NAA60: variants seen among roughly 807,000 people sequenced by gnomAD.
The protein encoded by NAA60 is N-alpha-acetyltransferase 60.
A neutral mutation model predicts 26.1 loss-of-function variants in NAA60; 8 were observed. That is an observed-to-expected ratio of 0.31 (90% CI 0.18 to 0.55). NAA60 has a LOEUF of 0.55. Among genes scored for constraint, NAA60 ranks in the 20% least tolerant of loss-of-function variants. NAA60 has a pLI of 0.93. For synonymous variants in NAA60, 131 were observed against 122.5 expected, an observed-to-expected ratio of 1.07 and a Z score of -0.46; for missense variants, 290 against 311.3, an observed-to-expected ratio of 0.93 and a Z score of 0.51.
chr16:3,468,636 T>C (rs1295722961), intron 2 of NAA60, among the ~76,000 whole-genome samples: 8 of 152,176 alleles, frequency 5.3e-5, no homozygotes, highest in Non-Finnish European at 8.8e-5. Context: ...ACGGCTTTTG[T>C]TTGGGTCAAG....
In NAA60 at chr16:3,486,872, G is replaced by A. The variant is rs2736; in HGVS notation, c.*1612G>A. 0.91 allele frequency: 138,397 copies of A among 152,736 alleles called. 62,880 individuals are homozygous for A. Among genetic ancestry groups the A allele is most frequent in the African/African-American group, 0.97 (40,516 of 41,580 alleles). 9.5% of individuals were successfully genotyped at this position (152,736 alleles called of 1,614,324 possible). On this transcript the variant is annotated 3_prime_UTR_variant, in exon 8 of 8. Transcript: ENST00000407558. The stretch of plus-strand genomic sequence containing the variant: ...CCCACCCTGCCCCACACCTGCCCCT[G>A]ATCACTGCAGTGTCCAGCCCAGTGT...
chr16:3,444,011 A>C, intron 1 of NAA60, 174 bp downstream of exon 1: 2 of 1,280,052 alleles, frequency 1.6e-6, no homozygotes, highest in South Asian at 3.9e-5. Context: ...CACAACGTTC[A>C]CATCGGTGTA....
intron 2 of NAA60, among the ~76,000 whole-genome samples, chr16:3,449,772 G>T (rs369432055): frequency 6.6e-6 from 1 of 152,022 alleles, no homozygotes. Context: ...TTGAATCGTG[G>T]GGCAGGTCTT....
At chr16:3,472,033 G>A (rs1261826263) in intron 2 of NAA60, 1 of 152,188 alleles carries the variant, frequency 6.6e-6, no homozygotes, top group African/African-American at 2.4e-5. Context: ...AAGGGGGTGG[G>A]AGCCTGCCCT....
In NAA60 at chr16:3,473,191, G is replaced by A. The variant is rs571451520; in HGVS notation, c.-6-3031G>A. ...GCTGGGATGACAGGCACACCACCAC[G>A]CCTGGCTAATGTTTGTATTTTTAGT... On this transcript the variant is annotated intron_variant, in intron 2 of 7. Transcript: ENST00000407558. Among the ~76,000 whole-genome samples, 13 of 152,048 alleles carry A rather than the reference G, an allele frequency of 8.5e-5. 1 individual carries two copies. The South Asian group carries it at 2.3e-3, about 27-fold the overall frequency.
intron 3 of NAA60, among the ~76,000 whole-genome samples, chr16:3,476,680 T>C (rs1050829671): frequency 1.3e-5 from 2 of 152,146 alleles, no homozygotes; most frequent in African/African-American, 4.8e-5. Flanking sequence ...AATTAGAGTA[T>C]GTGCATATAA....
At chr16:3,465,159 C>T (rs1057421303) in intron 2 of NAA60, among the ~76,000 whole-genome samples, 5 of 150,276 alleles carry the variant, frequency 3.3e-5, no homozygotes, top group South Asian at 2.1e-4. Flanking sequence ...CCCAGCTACT[C>T]GGGAGGCTGA....
chr16:3,482,674 C>G, intron 5 of NAA60, 76 bp downstream of exon 5: 1 of 1,049,682 alleles, frequency 9.5e-7, no homozygotes. Context: ...CATCTGCACC[C>G]AGTCTCTTCC....
intron 4 of NAA60, among the ~76,000 whole-genome samples, chr16:3,481,421 T>C (rs1022336821): frequency 1.3e-5 from 2 of 152,078 alleles, no homozygotes; most frequent in South Asian, 2.1e-4. Flanking sequence ...GGTCCCCCCC[T>C]TCCCCCAATG....
chr16:3,466,299 G>T (rs2035757255), intron 2 of NAA60, among the ~76,000 whole-genome samples: 1 of 152,226 alleles, frequency 6.6e-6, no homozygotes, highest in Admixed American at 6.5e-5. Context: ...TCAGAGAGAG[G>T]CTGTTTGGAA....
At chr16:3,482,060 T>G (rs2036870439) in intron 4 of NAA60, among the ~76,000 whole-genome samples, 1 of 152,120 alleles carries the variant, frequency 6.6e-6, no homozygotes, top group Non-Finnish European at 1.5e-5. Flanking sequence ...CAAGATCACC[T>G]GGGGCAGCGT....
chr16:3,484,906 C>G lies in NAA60; in HGVS notation c.*51C>G, dbSNP rs958141898. On this transcript the variant is annotated 3_prime_UTR_variant, in exon 7 of 8. Coordinates refer to ENST00000407558, the MANE Select transcript of NAA60 (RefSeq NM_001083601.3). ...CCCCACCCTTCGGCCGCCCGCAGAG[C>G]CCGCCTTCCTGTCCATCTGACCCCT... 5 of 1,548,106 alleles carry G rather than the reference C, an allele frequency of 3.2e-6. No individual in the cohort carries two copies. The African/African-American group carries it at 6.8e-5, about 21-fold the overall frequency.
At position 3,476,264 on chromosome 16, in the gene NAA60, G is replaced by T; in HGVS notation, c.37G>T (p.Val13Phe). 1 of 1,613,920 alleles carries T rather than the reference G, an allele frequency of 6.2e-7. No homozygotes were observed. The highest frequency in any genetic ancestry group is 8.5e-7 in the Non-Finnish European group (1 of 1,179,828). ...GGTGCCATCCAGCGCGCTCAGCGAGGTCAGCCTGCGCCTCCTCTGCCACGA... is the reference window on the plus strand; with the variant it reads ...GGTGCCATCCAGCGCGCTCAGCGAGTTCAGCCTGCGCCTCCTCTGCCACGA... ...EVVPSSALSEVSLRLLCHDDI... is the reference protein window; with the variant it reads ...EVVPSSALSEFSLRLLCHDDI... The change falls in exon 3 of 8, where the codon GTC becomes TTC. Residue 13 changes from valine (V) to phenylalanine (F), a missense_variant. Physicochemically the swap from Val to Phe is conservative, Grantham distance 50. Transcript: ENST00000407558.
At chr16:3,450,110 C>T (rs2034717835) in intron 2 of NAA60, 1 of 390,708 alleles carries the variant, frequency 2.6e-6, no homozygotes, top group Admixed American at 4.5e-5. Context: ...ATATTTGGCT[C>T]CTGACTGAAA....
chr16:3,479,614 T>C lies in NAA60; in HGVS notation c.240+14T>C, dbSNP rs1416682532. ...ATACATAAAGAGGTACGTACGTGTG[T>C]GCAGTGAGGACTTGGCAGTCACTGT... On this transcript the variant is annotated intron_variant, in intron 4 of 7. Transcript: ENST00000407558. The C allele has an allele frequency of 1.1e-5, 17 of 1,613,228 alleles. No individual in the cohort carries two copies. The highest frequency in any genetic ancestry group is 5.1e-6 in the Non-Finnish European group (6 of 1,179,516).
Position 3,484,909 on chromosome 16 carries a change from G to C in NAA60, c.*54G>C. ...CACCCTTCGGCCGCCCGCAGAGCCC[G>C]CCTTCCTGTCCATCTGACCCCTTCT... On this transcript the variant is annotated 3_prime_UTR_variant, in exon 7 of 8. Coordinates refer to ENST00000407558, the MANE Select transcript of NAA60 (RefSeq NM_001083601.3). 1 of 1,547,644 alleles carries C rather than the reference G, an allele frequency of 6.5e-7. No homozygotes were observed. Among genetic ancestry groups the C allele is most frequent in the Non-Finnish European group, 8.7e-7 (1 of 1,146,940 alleles).
chr16:3,485,630 C>G lies in NAA60; in HGVS notation c.*370C>G, dbSNP rs982795562. Reference sequence around the variant, plus strand: ...CACTCCGCTGCCTGTTCTTGCAGCTCCTTCCTGGAAAGCTGGAGGGGACTT... The same window carrying G: ...CACTCCGCTGCCTGTTCTTGCAGCTGCTTCCTGGAAAGCTGGAGGGGACTT... On this transcript the variant is annotated 3_prime_UTR_variant, in exon 8 of 8. Coordinates refer to ENST00000407558, the MANE Select transcript of NAA60 (RefSeq NM_001083601.3). The G allele has an allele frequency of 2.2e-6, 1 of 456,522 alleles. No individual in the cohort carries two copies. Among genetic ancestry groups the G allele is most frequent in the African/African-American group, 2.0e-5 (1 of 50,074 alleles). 28.3% of individuals were successfully genotyped at this position (456,522 alleles called of 1,614,324 possible).
At position 3,486,825 on chromosome 16, in the gene NAA60, A is replaced by G. The variant is rs1341772878; in HGVS notation, c.*1565A>G. Reference sequence around the variant, plus strand: ...TCTTCTGGAAGGCTCTGCCATGGACATTTGTCCTCGGGCTCAGAGGCCCCA... The same window carrying G: ...TCTTCTGGAAGGCTCTGCCATGGACGTTTGTCCTCGGGCTCAGAGGCCCCA... On this transcript the variant is annotated 3_prime_UTR_variant, in exon 8 of 8. Transcript: ENST00000407558. 2.0e-5 allele frequency: 3 copies of G among 151,620 alleles called. No homozygotes were observed. The highest frequency in any genetic ancestry group is 7.3e-5 in the African/African-American group (3 of 41,136). The allele number at this position is 151,620 out of a possible 1,614,324, so 9.4% of individuals were successfully genotyped here. A position where few individuals can be genotyped will look rare whatever the true frequency, so the allele number is the denominator to read the frequency against.
At chr16:3,455,732 A>T (rs145804357) in intron 2 of NAA60, among the ~76,000 whole-genome samples, 7 of 143,112 alleles carry the variant, frequency 4.9e-5, no homozygotes, top group African/African-American at 1.8e-4. Context: ...TGTTTTGAGA[A>T]GGAGTCTTGC....
Sources: gnomAD v4.1 joint callset for allele counts (sites outside exome capture counted in the v4.1 genomes callset) on GRCh38, gnomAD v4.1.1 for gene constraint, MANE v1.5 for transcripts, NCBI Gene and HGNC (gene_info 2026-07-23, HGNC 2026-07-21) for gene names.